The following TACC2 variants were observed in gnomAD, a reference collection of about 807,000 sequenced individuals.
The protein encoded by TACC2 is transforming acidic coiled-coil-containing protein 2.
A neutral mutation model predicts 227.3 loss-of-function variants in TACC2; 137 were observed. The observed-to-expected ratio is 0.60, with a 90% CI of 0.52 to 0.69. The LOEUF (loss-of-function observed/expected upper bound fraction) is 0.69. Ranked by LOEUF, TACC2 falls within the 30% of genes least tolerant of loss-of-function variation. The pLI is 0.00. For synonymous variants in TACC2, 1,523 were observed against 1,487.5 expected (o/e 1.02, Z -0.55); for missense variants, 3,470 against 3,694.4 (o/e 0.94, Z 1.57).
chr10:122,158,394 CAAA>C (rs78072020), intron 7 of TACC2, among the ~76,000 whole-genome samples: 223 of 137,576 alleles, frequency 1.6e-3, no homozygotes, highest in African/African-American at 5.5e-3. Flanking sequence ...GACTCCATCT[CAAA>C]AAAAAAAACA....
chr10:122,217,707 T>A (rs11598368), intron 11 of TACC2, among the ~76,000 whole-genome samples: 4,111 of 152,234 alleles, frequency 0.027, 77 homozygotes, highest in Non-Finnish European at 0.041. Flanking sequence ...CCCAAAGTGC[T>A]GGGATTACAG....
rs1957405689 is a variant in TACC2 at position 122,022,099 on chromosome 10, A to G, written c.33+85A>G. 22 of 1,407,570 alleles carry G rather than the reference A, an allele frequency of 1.6e-5. No individual in the cohort carries two copies. The South Asian group carries it at 2.6e-4, about 16-fold the overall frequency. 87.2% of individuals were successfully genotyped at this position (1,407,570 alleles called of 1,614,324 possible). ...GTTCTTTTTACAGCGTCTCATCTTC[A>G]CCCAGGAAGGAGCAAACAAGACAGC... is the stretch of plus-strand genomic sequence containing the variant. On this transcript the variant is annotated intron_variant, in intron 2 of 22. Transcript: ENST00000369005.
intron 1 of TACC2, among the ~76,000 whole-genome samples, chr10:122,005,137 A>C (rs1450992928): frequency 6.7e-6 from 1 of 149,938 alleles, no homozygotes. Context: ...GCTGGAGTGC[A>C]ATGGTGCAAT....
intron 7 of TACC2, among the ~76,000 whole-genome samples, chr10:122,177,079 A>G (rs1272390502): frequency 6.6e-6 from 1 of 152,156 alleles, no homozygotes; most frequent in Admixed American, 6.5e-5. Context: ...GATTTTCTTG[A>G]TGGATATCAT....
At chr10:122,126,654 A>C (rs889888878) in intron 5 of TACC2, 3 of 152,106 alleles carry the variant, frequency 2.0e-5, no homozygotes, top group Non-Finnish European at 4.4e-5. Context: ...AAGGGAACAG[A>C]AGCCTTTCTG....
chr10:122,230,072 AAG>A (rs2095707875), intron 15 of TACC2, among the ~76,000 whole-genome samples: 1 of 152,154 alleles, frequency 6.6e-6, no homozygotes, highest in African/African-American at 2.4e-5. Context: ...AATGAAAGAA[AAG>A]AGAACAGTAA....
At chr10:122,036,744 G>A (rs916607665) in intron 2 of TACC2, among the ~76,000 whole-genome samples, 1 of 152,092 alleles carries the variant, frequency 6.6e-6, no homozygotes, top group African/African-American at 2.4e-5. Context: ...TGATGAATAT[G>A]GGTGTCCACG....
At chr10:122,041,039 G>A (rs1173717941) in intron 2 of TACC2, among the ~76,000 whole-genome samples, 1 of 152,230 alleles carries the variant, frequency 6.6e-6, no homozygotes, top group African/African-American at 2.4e-5. Context: ...TCAGCAATGT[G>A]GACATCTGAG....
At chr10:122,021,645 T>C (rs753973879) in intron 1 of TACC2, among the ~76,000 whole-genome samples, 3 of 152,156 alleles carry the variant, frequency 2.0e-5, no homozygotes, top group Non-Finnish European at 4.4e-5. Context: ...TCCGTTTGTA[T>C]ATATACGTAT....
chr10:122,159,158 A>AG (rs2092672547), intron 7 of TACC2, among the ~76,000 whole-genome samples: 1 of 152,162 alleles, frequency 6.6e-6, no homozygotes, highest in Non-Finnish European at 1.5e-5. Context: ...GAAGTTGAGG[A>AG]GGGGGCAGCT....
rs932039604 is a variant in TACC2 at position 122,180,076 on chromosome 10, C to T, written c.5835-14964C>T. Among the ~76,000 whole-genome samples, 5 of 151,550 alleles carry T rather than the reference C, an allele frequency of 3.3e-5. No individual in the cohort carries two copies. The highest frequency in any genetic ancestry group is 4.8e-5 in the African/African-American group (2 of 41,248). On this transcript the variant is annotated intron_variant, in intron 7 of 22. Coordinates refer to ENST00000369005, the MANE Select transcript of TACC2 (RefSeq NM_206862.4). This position sits in a 1 kb window ranked among gnomAD's most constrained non-coding sequence, Gnocchi z 4.5. Reference sequence around the variant, plus strand: ...CTCCAGCCTGGGCAACAGAGTGAGACGGTGTCTCCAAAAAAACAGGCGAGT... The same window carrying T: ...CTCCAGCCTGGGCAACAGAGTGAGATGGTGTCTCCAAAAAAACAGGCGAGT...
intron 3 of TACC2, among the ~76,000 whole-genome samples, chr10:122,057,798 C>G (rs1381689317): frequency 6.6e-6 from 1 of 151,996 alleles, no homozygotes; most frequent in Non-Finnish European, 1.5e-5. Flanking sequence ...TGCACTCCAG[C>G]CTGGACAGCA....
At chr10:122,140,852 G>T (rs1335033621) in intron 6 of TACC2, among the ~76,000 whole-genome samples, 1 of 152,186 alleles carries the variant, frequency 6.6e-6, no homozygotes, top group African/African-American at 2.4e-5. Flanking sequence ...GGAGTTCAAG[G>T]GACCTTGACT....
At chr10:122,203,271 G>C (rs745810156) in intron 8 of TACC2, among the ~76,000 whole-genome samples, 1 of 141,356 alleles carries the variant, frequency 7.1e-6, no homozygotes, top group Non-Finnish European at 1.5e-5. Flanking sequence ...CGGACGGGGC[G>C]GCTGGCCGGG....
chr10:122,083,258 C>A lies in TACC2; in HGVS notation c.758C>A (p.Pro253His). Residue 253 changes from proline (P) to histidine (H), a missense_variant, in exon 4 of 23, where the codon CCT becomes CAT. Physicochemically the swap from Pro to His is moderately conservative, Grantham distance 77. Around this residue, in one of 10 missense-constraint regions of TACC2, gnomAD observed 405 missense variants for 389.6 expected, o/e 1.04. Transcript: ENST00000369005. ...TCTGTGCAAGTGACCCCTGAGGCCC[C>A]TGCTGCAGCCCAGCAGGGCACAGAA... The part of the protein sequence containing the change: ...VASVQVTPEA[P>H]AAAQQGTESS... 6.2e-7 allele frequency: 1 copy of A among 1,613,732 alleles called. No individual in the cohort carries two copies. The highest frequency in any genetic ancestry group is 8.5e-7 in the Non-Finnish European group (1 of 1,179,996).
chr10:122,100,975 C>T (rs1286131354), intron 5 of TACC2, among the ~76,000 whole-genome samples: 1 of 152,124 alleles, frequency 6.6e-6, no homozygotes, highest in African/African-American at 2.4e-5. Flanking sequence ...TTCTGTGAAG[C>T]CTTCCCGACC....
intron 6 of TACC2, among the ~76,000 whole-genome samples, chr10:122,140,831 G>T (rs770264468): frequency 2.0e-5 from 3 of 152,202 alleles, no homozygotes; most frequent in Non-Finnish European, 4.4e-5. Context: ...TTGCCCTCTG[G>T]CAGCTCAGGG....
intron 2 of TACC2, among the ~76,000 whole-genome samples, chr10:122,048,584 C>T (rs927465682): frequency 6.6e-6 from 1 of 151,944 alleles, no homozygotes; most frequent in Non-Finnish European, 1.5e-5. Flanking sequence ...TCTCGAACTC[C>T]TGGGCTCAAG....
At chr10:122,193,912 G>A (rs1358329016) in intron 7 of TACC2, among the ~76,000 whole-genome samples, 36 of 151,894 alleles carry the variant, frequency 2.4e-4, no homozygotes, top group Admixed American at 2.2e-3. Flanking sequence ...TTGGTTCTTC[G>A]TTTTCTTCTT....
Sources: gnomAD v4.1 joint callset for allele counts (sites outside exome capture counted in the v4.1 genomes callset) on GRCh38, gnomAD v4.1.1 for gene constraint, gnomAD v4.1.1 regional missense constraint, Gnocchi (gnomAD v3.1) non-coding constraint, MANE v1.5 for transcripts, NCBI Gene and HGNC (gene_info 2026-07-23, HGNC 2026-07-21) for gene names.